CRY1: variants seen among roughly 807,000 people sequenced by gnomAD.
CRY1 encodes the protein cryptochrome-1.
A neutral mutation model predicts 76.0 loss-of-function variants in CRY1; 45 were observed. The ratio of observed to expected loss-of-function variants is 0.59; its 90% CI spans 0.47 to 0.76. CRY1 has a LOEUF of 0.76. CRY1 is among the 30% of genes least tolerant of loss of function. The pLI is 0.00. For missense variants in CRY1, 587 were observed against 716.4 expected (o/e 0.82, Z 2.06); for synonymous variants, 248 against 244.0 (o/e 1.02, Z -0.15).
At chr12:107,067,540 G>A (rs1464653054) in intron 1 of CRY1, among the ~76,000 whole-genome samples, 1 of 151,218 alleles carries the variant, frequency 6.6e-6, no homozygotes, top group Non-Finnish European at 1.5e-5. Context: ...TGCATGTTAG[G>A]AAGACTTTTC....
At chr12:107,036,658 T>C (rs1952736612) in intron 1 of CRY1, among the ~76,000 whole-genome samples, 1 of 151,194 alleles carries the variant, frequency 6.6e-6, no homozygotes, top group Admixed American at 6.6e-5. Context: ...CCAATACCAC[T>C]ATGACTCCAT....
chr12:106,997,550 C>T lies in CRY1; in HGVS notation c.1430G>A (p.Ser477Asn), dbSNP rs1351063757. ...PKPMVNHAEASRLNIERMKQI... is the reference protein window; with the variant it reads ...PKPMVNHAEANRLNIERMKQI... ...TTTCATCCTTTCGATATTCAAACGG[C>T]TTGCCTCAGCATGGTTCACCATTGG... Residue 477 changes from serine to asparagine, a missense_variant, in exon 9 of 13, where the codon AGC (serine) becomes AAC (asparagine). By Grantham distance (46) the Ser-to-Asn change is conservative. Coordinates refer to ENST00000008527, the MANE Select transcript of CRY1 (RefSeq NM_004075.5). The T allele has an allele frequency of 6.2e-7, 1 of 1,614,156 alleles. No homozygotes were observed. The highest frequency in any genetic ancestry group is 8.5e-7 in the Non-Finnish European group (1 of 1,180,004).
rs1449953608 is a variant in CRY1, at chr12:106,993,010, G to T, written c.1612C>A (p.His538Asn). The change falls in exon 11 of 13, where the codon CAC (histidine) becomes AAC (asparagine). Residue 538 changes from histidine (H) to asparagine (N), a missense_variant. His to Asn is a moderately conservative substitution (Grantham distance 68). Coordinates refer to ENST00000008527, the MANE Select transcript of CRY1 (RefSeq NM_004075.5). ...GSCSQGSGIL[H>N]YAHGDSQQTH... The stretch of plus-strand genomic sequence containing the variant: ...TGCTGACTGTCGCCATGAGCATAGT[G>T]TAAAATACCACTCCCTTGAGAGCAA... 1 of 1,613,942 alleles carries T rather than the reference G, an allele frequency of 6.2e-7. No homozygotes were observed. Among genetic ancestry groups the T allele is most frequent in the African/African-American group, 1.3e-5 (1 of 74,922 alleles).
chr12:107,021,265 A>T (rs1952554553), intron 2 of CRY1, among the ~76,000 whole-genome samples: 1 of 152,126 alleles, frequency 6.6e-6, no homozygotes, highest in Non-Finnish European at 1.5e-5. Context: ...CCTGGGCGAC[A>T]AGAGCAAGAC....
chr12:106,995,239 C>T (rs867333829), intron 10 of CRY1, among the ~76,000 whole-genome samples: 2 of 152,198 alleles, frequency 1.3e-5, no homozygotes, highest in Non-Finnish European at 1.5e-5. Context: ...CCCTTACTAT[C>T]TACTGGGCAA....
chr12:107,022,082 A>C lies in CRY1; in HGVS notation c.267+2T>G. On this transcript the variant is annotated splice_donor_variant, in intron 2 of 12. Coordinates refer to ENST00000008527, the MANE Select transcript of CRY1 (RefSeq NM_004075.5). LOFTEE classifies it high-confidence loss of function. ...GTTTTATGCAAATATTTTTCAAATT[A>C]CCTTGAAAAGCCTGGGAAACACATC... 1 of 1,590,904 alleles carries C rather than the reference A, an allele frequency of 6.3e-7. No individual in the cohort carries two copies. Among genetic ancestry groups the C allele is most frequent in the Non-Finnish European group, 8.6e-7 (1 of 1,166,012 alleles).
chr12:107,063,661 G>A (rs1328160098), intron 1 of CRY1, among the ~76,000 whole-genome samples: 1 of 152,072 alleles, frequency 6.6e-6, no homozygotes, highest in African/African-American at 2.4e-5. Flanking sequence ...GCAGTGGTGC[G>A]ATCTCGGCTC....
intron 1 of CRY1, among the ~76,000 whole-genome samples, chr12:107,024,999 G>A (rs1952591869): frequency 6.6e-6 from 1 of 152,150 alleles, no homozygotes; most frequent in African/African-American, 2.4e-5. Context: ...ACACTATGAT[G>A]CTATTCTTTG....
At chr12:106,997,737 A>G in intron 8 of CRY1, 47 bp from the exon 9 acceptor site, 4 of 1,601,030 alleles carry the variant, frequency 2.5e-6, no homozygotes, top group Non-Finnish European at 3.4e-6. Context: ...ACTCTAAGCA[A>G]ACTATAACTA....
At chr12:107,069,647 GTATA>G (rs1953161475) in intron 1 of CRY1, among the ~76,000 whole-genome samples, 1 of 128,320 alleles carries the variant, frequency 7.8e-6, no homozygotes, top group African/African-American at 2.9e-5. Flanking sequence ...TATATAAAAA[GTATA>G]TAAAGTATAT....
chr12:107,071,603 G>A (rs1953191107), intron 1 of CRY1, among the ~76,000 whole-genome samples: 1 of 152,032 alleles, frequency 6.6e-6, no homozygotes, highest in Admixed American at 6.6e-5. Flanking sequence ...TTTTGTGGAG[G>A]TAACTCTTTG....
chr12:107,014,693 C>T (rs1010146546), intron 2 of CRY1, among the ~76,000 whole-genome samples: 1 of 151,978 alleles, frequency 6.6e-6, no homozygotes, highest in Non-Finnish European at 1.5e-5. Context: ...TATTAAGTTT[C>T]CTCTAAGCAC....
intron 1 of CRY1, among the ~76,000 whole-genome samples, chr12:107,081,864 T>C (rs1022678938): frequency 2.0e-5 from 3 of 152,004 alleles, no homozygotes; most frequent in Non-Finnish European, 4.4e-5. Flanking sequence ...GTTTACATAT[T>C]TGTCCCCTTC....
At position 107,004,476 on chromosome 12, in the gene CRY1, A is replaced by T. The variant is rs866207360; in HGVS notation, c.410+630T>A. On this transcript the variant is annotated intron_variant, in intron 3 of 12. Transcript: ENST00000008527. Reference sequence around the variant, plus strand: ...CAAAAGTTTTAAAAAGTTAAGTTTTACAGACCTCTAAGACTCATAGCATAT... The same window carrying T: ...CAAAAGTTTTAAAAAGTTAAGTTTTTCAGACCTCTAAGACTCATAGCATAT... Among the ~76,000 whole-genome samples the T allele has an allele frequency of 5.3e-5, 8 of 152,352 alleles. No individual in the cohort carries two copies. The South Asian group carries it at 1.7e-3, about 32-fold the overall frequency.
At chr12:107,031,522 G>GT (rs1952674387) in intron 1 of CRY1, among the ~76,000 whole-genome samples, 1 of 152,074 alleles carries the variant, frequency 6.6e-6, no homozygotes, top group African/African-American at 2.4e-5. Flanking sequence ...GGAAAAAATA[G>GT]TAACTTTACA....
chr12:107,015,381 C>A (rs1353693726), intron 2 of CRY1, among the ~76,000 whole-genome samples: 2 of 151,520 alleles, frequency 1.3e-5, no homozygotes, highest in Admixed American at 1.3e-4. Context: ...ACTCTGTTGC[C>A]CAGGCTGGAG....
chr12:107,049,574 CA>C (rs1952893150), intron 1 of CRY1, among the ~76,000 whole-genome samples: 1 of 152,094 alleles, frequency 6.6e-6, no homozygotes, highest in Admixed American at 6.5e-5. Flanking sequence ...GTTGGGGTTT[CA>C]CCATGTTGGC....
intron 3 of CRY1, among the ~76,000 whole-genome samples, chr12:107,004,445 G>C (rs78928752): frequency 0.027 from 4,070 of 152,130 alleles, 68 homozygotes; most frequent in African/African-American, 0.053. Context: ...AAGGACAATG[G>C]TATGCCAAAA....
At chr12:107,006,701 AAGTGCAGT>A (rs1952379844) in intron 2 of CRY1, among the ~76,000 whole-genome samples, 1 of 95,174 alleles carries the variant, frequency 1.1e-5, no homozygotes, top group East Asian at 5.2e-4. Context: ...GCAGTGGCTG[AAGTGCAGT>A]GGCATGATCT....
Sources: gnomAD v4.1 joint callset for allele counts (sites outside exome capture counted in the v4.1 genomes callset) on GRCh38, gnomAD v4.1.1 for gene constraint, MANE v1.5 for transcripts, NCBI Gene and HGNC (gene_info 2026-07-23, HGNC 2026-07-21) for gene names.